Variants in PBLD observed in about 807,000 individuals in gnomAD.
PBLD encodes the protein phenazine biosynthesis like protein domain containing, also known as phenazine biosynthesis-like domain-containing protein.
A neutral mutation model predicts 31.3 loss-of-function variants in PBLD; 26 were observed. The ratio of observed to expected loss-of-function variants is 0.83; its 90% CI spans 0.61 to 1.15. The LOEUF (loss-of-function observed/expected upper bound fraction) is 1.15, where lower values mean the gene tolerates loss of function less well. PBLD is among the 50% of genes most tolerant of loss of function. PBLD has a pLI of 0.00. For synonymous variants in PBLD, 114 were observed against 129.0 expected, an observed-to-expected ratio of 0.88 and a Z score of 0.79; for missense variants, 307 against 351.7, an observed-to-expected ratio of 0.87 and a Z score of 1.02.
intron 1 of PBLD, among the ~76,000 whole-genome samples, chr10:68,312,782 T>C (rs1169835359): frequency 6.6e-6 from 1 of 151,740 alleles, no homozygotes; most frequent in Non-Finnish European, 1.5e-5. Flanking sequence ...GGCTAATTTT[T>C]TTGTATTTTT....
intron 1 of PBLD, among the ~76,000 whole-genome samples, chr10:68,319,513 T>G (rs562792347): frequency 5.4e-4 from 82 of 152,206 alleles, no homozygotes; most frequent in African/African-American, 1.9e-3. Flanking sequence ...TGAAACCCCG[T>G]CTCTACTAAA....
At chr10:68,306,704 A>G (rs2044583593) in intron 2 of PBLD, 57 bp downstream of exon 2, 6 of 1,478,656 alleles carry the variant, frequency 4.1e-6, no homozygotes, top group Non-Finnish European at 5.6e-6. Flanking sequence ...AAAATAAGTA[A>G]TTGTTTCTAC....
chr10:68,290,013 T>G (rs1273531400), intron 6 of PBLD, among the ~76,000 whole-genome samples: 1 of 152,120 alleles, frequency 6.6e-6, no homozygotes, highest in Non-Finnish European at 1.5e-5. Flanking sequence ...TCTACCTGAC[T>G]GCACATAATC....
At chr10:68,312,135 G>A (rs988211782) in intron 1 of PBLD, among the ~76,000 whole-genome samples, 2 of 152,166 alleles carry the variant, frequency 1.3e-5, no homozygotes, top group African/African-American at 2.4e-5. Flanking sequence ...CTTGGCTATT[G>A]TGAATATTGC....
At chr10:68,302,956 T>G (rs917148438) in intron 2 of PBLD, among the ~76,000 whole-genome samples, 1 of 152,142 alleles carries the variant, frequency 6.6e-6, no homozygotes, top group African/African-American at 2.4e-5. Context: ...ATCATCATAA[T>G]GTATCTGTTT....
At chr10:68,290,345 C>T (rs1432316748) in intron 6 of PBLD, among the ~76,000 whole-genome samples, 1 of 152,170 alleles carries the variant, frequency 6.6e-6, no homozygotes, top group East Asian at 1.9e-4. Flanking sequence ...ATGGGAACTC[C>T]TACAGCCGGA....
At position 68,285,538 on chromosome 10, in the gene PBLD, G is replaced by T. The variant is rs565619165; in HGVS notation, c.692-128C>A. 8.1e-4 allele frequency: 1,076 copies of T among 1,321,588 alleles called. 1 individual carries two copies. Among genetic ancestry groups the T allele is most frequent in the Non-Finnish European group, 1.0e-3 (1,001 of 995,616 alleles). 81.9% of individuals were successfully genotyped at this position (1,321,588 alleles called of 1,614,324 possible). On this transcript the variant is annotated intron_variant, in intron 8 of 9. Coordinates refer to ENST00000358769, the MANE Select transcript of PBLD (RefSeq NM_022129.4). ...TCTAGATCACCTAAATCATTATGTT[G>T]GCCAGGCCACAGCAGGGTGTAGAAT...
Position 68,292,224 on chromosome 10 carries a change from T to C in PBLD, c.298A>G (p.Thr100Ala). The C allele has an allele frequency of 6.2e-7, 1 of 1,613,382 alleles. No homozygotes were observed. Residue 100 changes from threonine (T) to alanine (A), a missense_variant, in exon 5 of 10, where the codon ACG (threonine) becomes GCG (alanine). By Grantham distance (58) the Thr-to-Ala change is moderately conservative. Coordinates refer to ENST00000358769, the MANE Select transcript of PBLD (RefSeq NM_022129.4). Reference protein sequence around the residue: ...LFHKIKNMNSTLTFVTLSGEL... With the variant: ...LFHKIKNMNSALTFVTLSGEL... ...CCACTCAGAGTGACAAACGTGAGCG[T>C]GCTATTCATGTTTTCTGGCCAAAAT...
chr10:68,312,871 A>G (rs2044689442), intron 1 of PBLD, among the ~76,000 whole-genome samples: 1 of 151,786 alleles, frequency 6.6e-6, no homozygotes, highest in Admixed American at 6.6e-5. Flanking sequence ...TCGGACTCCC[A>G]AAGTGTTGAG....
intron 2 of PBLD, among the ~76,000 whole-genome samples, chr10:68,298,643 A>C (rs1472374380): frequency 1.3e-5 from 2 of 152,180 alleles, no homozygotes; most frequent in East Asian, 1.9e-4. Context: ...TCCTAGCAGC[A>C]GTGTAAAAGT....
chr10:68,298,339 T>C (rs763927410), intron 2 of PBLD, among the ~76,000 whole-genome samples: 3 of 151,994 alleles, frequency 2.0e-5, no homozygotes, highest in Non-Finnish European at 2.9e-5. Context: ...CACATGCCTA[T>C]AATCCCAGCA....
At chr10:68,291,517 C>G (rs192005766) in intron 6 of PBLD, among the ~76,000 whole-genome samples, 1 of 152,216 alleles carries the variant, frequency 6.6e-6, no homozygotes, top group East Asian at 1.9e-4. Context: ...CAGGAAGGTT[C>G]CATTTTTTCC....
intron 4 of PBLD, among the ~76,000 whole-genome samples, chr10:68,295,567 T>C (rs1356568837): frequency 6.6e-6 from 1 of 151,954 alleles, no homozygotes; most frequent in Non-Finnish European, 1.5e-5. Flanking sequence ...GCGGAAATAA[T>C]TGGAGTGAAA....
intron 2 of PBLD, among the ~76,000 whole-genome samples, chr10:68,300,106 G>T (rs745911995): frequency 3.9e-5 from 6 of 152,014 alleles, no homozygotes; most frequent in Non-Finnish European, 8.8e-5. Flanking sequence ...GCCTAGGCTG[G>T]TCTGGAACTC....
chr10:68,310,227 A>G (rs971271904), intron 1 of PBLD, among the ~76,000 whole-genome samples: 1 of 150,374 alleles, frequency 6.7e-6, no homozygotes, highest in Admixed American at 6.7e-5. Context: ...GAAAATAAGT[A>G]TCAAAAAGAA....
rs114686036 is a variant in PBLD, at chr10:68,331,019, C to T, written c.-60+1765G>A. 9.4e-3 allele frequency among the ~76,000 whole-genome samples: 1,435 copies of T among 152,118 alleles called. 28 individuals are homozygous for T. The highest frequency in any genetic ancestry group is 0.033 in the African/African-American group (1,363 of 41,496). ...CTCGGGAGTCCCATCTACTCCCGTGCGCTGCCATCACGCCCAGCTAATCTT... is the reference window on the plus strand; with the variant it reads ...CTCGGGAGTCCCATCTACTCCCGTGTGCTGCCATCACGCCCAGCTAATCTT... On this transcript the variant is annotated intron_variant, in intron 1 of 9. Transcript: ENST00000358769.
chr10:68,290,017 C>T (rs1034977926), intron 6 of PBLD, among the ~76,000 whole-genome samples: 6 of 152,120 alleles, frequency 3.9e-5, no homozygotes, highest in African/African-American at 1.2e-4. Flanking sequence ...CCTGACTGCA[C>T]ATAATCTTGC....
chr10:68,289,693 A>ACACACACAC, intron 6 of PBLD, among the ~76,000 whole-genome samples: 1 of 149,184 alleles, frequency 6.7e-6, no homozygotes, highest in Admixed American at 6.6e-5. Flanking sequence ...ACACACACAC[A>ACACACACAC]TATCTTGACC....
chr10:68,285,661 CTTTTT>C (rs2044277729), intron 8 of PBLD, among the ~76,000 whole-genome samples: 2 of 151,860 alleles, frequency 1.3e-5, no homozygotes, highest in Admixed American at 6.6e-5. Context: ...TTCCTTTTTT[CTTTTT>C]ATTTTATTTT....
Sources: allele counts gnomAD v4.1 joint callset (sites outside exome capture counted in the v4.1 genomes callset), GRCh38; gene constraint gnomAD v4.1.1; transcripts MANE v1.5; gene names NCBI Gene and HGNC (gene_info 2026-07-23, HGNC 2026-07-21).